The following TENM2 variants were observed in gnomAD, a reference collection of about 807,000 sequenced individuals.
The protein encoded by TENM2 is teneurin-2.
TENM2 carries 52 observed loss-of-function variants against 245.2 expected under a neutral mutation model. The ratio of observed to expected loss-of-function variants is 0.21; its 90% CI spans 0.17 to 0.27. The LOEUF is 0.27. TENM2 is among the 10% of genes least tolerant of loss of function. The probability of loss-of-function intolerance (pLI) is 1.00; values close to 1 mark genes in which losing one functional copy is unlikely to be tolerated. For synonymous variants in TENM2, 1,363 were observed against 1,438.9 expected (o/e 0.95, Z 1.19); for missense variants, 3,046 against 3,666.8 (o/e 0.83, Z 4.37).
At chr5:167,012,801 A>G in the TENM2 span, among the ~76,000 whole-genome samples, 1 of 152,126 alleles carries the variant, frequency 6.6e-6, no homozygotes, top group South Asian at 2.1e-4. Flanking sequence ...CCCTTTTACC[A>G]AGCATATACC....
chr5:168,088,327 G>C (rs933173858), intron 7 of TENM2: 3 of 152,194 alleles, frequency 2.0e-5, no homozygotes, highest in Admixed American at 6.5e-5. Flanking sequence ...CAAATGCTTT[G>C]ATTAGAAAGG....
intron 12 of TENM2, among the ~76,000 whole-genome samples, chr5:168,127,643 T>A (rs916850568): frequency 6.6e-6 from 1 of 152,202 alleles, no homozygotes; most frequent in Non-Finnish European, 1.5e-5. Flanking sequence ...AGGACTATAC[T>A]GGATTAAACG....
the TENM2 span, among the ~76,000 whole-genome samples, chr5:167,088,137 C>G: frequency 5.3e-5 from 8 of 152,086 alleles, no homozygotes; most frequent in Non-Finnish European, 7.3e-5. Flanking sequence ...CAGAGTGGAA[C>G]AAGCTAGTTA....
chr5:167,581,405 C>T (rs1405080280), intron 2 of TENM2, among the ~76,000 whole-genome samples: 1 of 152,002 alleles, frequency 6.6e-6, no homozygotes, highest in Non-Finnish European at 1.5e-5. Flanking sequence ...CAGGTGCAGT[C>T]GATGATGTAG....
At chr5:168,191,943 A>C (rs1761001584) in intron 14 of TENM2, among the ~76,000 whole-genome samples, 2 of 152,138 alleles carry the variant, frequency 1.3e-5, no homozygotes. Flanking sequence ...TGTCTTAACA[A>C]GGTCACCTTA....
the TENM2 span, among the ~76,000 whole-genome samples, chr5:167,085,697 C>T: frequency 6.6e-6 from 1 of 152,162 alleles, no homozygotes; most frequent in Non-Finnish European, 1.5e-5. Flanking sequence ...TTGTGTTTTA[C>T]TGGTTTGTCT....
intron 23 of TENM2, among the ~76,000 whole-genome samples, chr5:168,223,044 A>T (rs991501386): frequency 6.6e-6 from 1 of 152,200 alleles, no homozygotes; most frequent in African/African-American, 2.4e-5. Flanking sequence ...TCACTCCTAC[A>T]TGCAGTCATT....
chr5:168,002,332 G>A (rs1356739479), intron 5 of TENM2, among the ~76,000 whole-genome samples: 1 of 152,198 alleles, frequency 6.6e-6, no homozygotes, highest in South Asian at 2.1e-4. Flanking sequence ...ATATTACCTT[G>A]CTTTTGCCTT....
At chr5:167,974,998 T>A (rs181587517) in intron 4 of TENM2, among the ~76,000 whole-genome samples, 69 of 152,368 alleles carry the variant, frequency 4.5e-4, no homozygotes, top group African/African-American at 1.5e-3. Context: ...GCCTTCAAGA[T>A]GTCTGGAAAG....
At chr5:167,371,718 C>T (rs1760453399) in intron 1 of TENM2, among the ~76,000 whole-genome samples, 1 of 152,006 alleles carries the variant, frequency 6.6e-6, no homozygotes, top group Admixed American at 6.6e-5. Context: ...TTATGTGATT[C>T]TTTGATTAAT....
intron 1 of TENM2, chr5:167,303,297 C>T (rs1307854247): frequency 1.9e-5 from 3 of 154,072 alleles, no homozygotes; most frequent in Non-Finnish European, 4.3e-5. Flanking sequence ...GAAGAGACCA[C>T]CAAACAGGCT....
chr5:167,596,043 C>T (rs1488809551), intron 2 of TENM2, among the ~76,000 whole-genome samples: 3 of 152,144 alleles, frequency 2.0e-5, no homozygotes, highest in Non-Finnish European at 4.4e-5. Context: ...TTTTGCCCTT[C>T]AGACTTGAAT....
At chr5:167,367,225 G>T (rs1029799252) in intron 1 of TENM2, among the ~76,000 whole-genome samples, 2 of 152,144 alleles carry the variant, frequency 1.3e-5, no homozygotes, top group African/African-American at 4.8e-5. Context: ...ACATTGGAAT[G>T]GTTCTAGTTA....
chr5:167,722,056 G>A (rs1445370840), intron 2 of TENM2, among the ~76,000 whole-genome samples: 1 of 152,188 alleles, frequency 6.6e-6, no homozygotes, highest in Non-Finnish European at 1.5e-5. Flanking sequence ...GGCCAATGAT[G>A]GCTGGTGGAG....
chr5:167,020,314 T>C, the TENM2 span, among the ~76,000 whole-genome samples: 3 of 152,192 alleles, frequency 2.0e-5, no homozygotes, highest in African/African-American at 4.8e-5. Context: ...TTCTGGAAGT[T>C]ATAGAATATT....
the TENM2 span, among the ~76,000 whole-genome samples, chr5:166,985,992 GGT>G: frequency 1.3e-4 from 20 of 152,144 alleles, no homozygotes; most frequent in Non-Finnish European, 2.2e-4. Context: ...GATGTTCAAA[GGT>G]GTGTGTTGGA....
intron 2 of TENM2, among the ~76,000 whole-genome samples, chr5:167,583,510 A>ACACACACACACACACACC (rs777180325): frequency 6.7e-6 from 1 of 149,894 alleles, no homozygotes; most frequent in African/African-American, 2.5e-5. Flanking sequence ...ACACACACAC[A>ACACACACACACACACACC]CCCCAAACCT....
chr5:167,345,372 T>G (rs925047609), intron 1 of TENM2, among the ~76,000 whole-genome samples: 1 of 152,238 alleles, frequency 6.6e-6, no homozygotes, highest in African/African-American at 2.4e-5. Context: ...ACAAATGTTC[T>G]CAAAAGTGTG....
chr5:167,618,335 C>T (rs1777930817), intron 2 of TENM2, among the ~76,000 whole-genome samples: 1 of 151,974 alleles, frequency 6.6e-6, no homozygotes, highest in South Asian at 2.1e-4. Context: ...TCTTACCACC[C>T]CCTGTAAGCT....
Sources: allele counts gnomAD v4.1 joint callset (sites outside exome capture counted in the v4.1 genomes callset), GRCh38; gene constraint gnomAD v4.1.1; transcripts MANE v1.5; gene names NCBI Gene and HGNC (gene_info 2026-07-23, HGNC 2026-07-21).